Variants in ASTN1 observed in about 807,000 individuals in gnomAD.
ASTN1 encodes the protein astrotactin-1.
Under a neutral mutation model 140.7 loss-of-function variants are expected in ASTN1, and 41 were observed. That is an observed-to-expected ratio of 0.29 (90% CI 0.23 to 0.38). The LOEUF (loss-of-function observed/expected upper bound fraction) is 0.38, where lower values mean the gene tolerates loss of function less well. Among genes scored for constraint, ASTN1 ranks in the 10% least tolerant of loss-of-function variants. The pLI, the probability that ASTN1 is intolerant of heterozygous loss-of-function variation, is 1.00. For missense variants in ASTN1, 1,479 were observed against 1,678.8 expected (o/e 0.88, Z 2.08); for synonymous variants, 640 against 652.2 (o/e 0.98, Z 0.29).
At chr1:177,125,334 T>C (rs1411346256) in intron 1 of ASTN1, among the ~76,000 whole-genome samples, 1 of 152,208 alleles carries the variant, frequency 6.6e-6, no homozygotes, top group African/African-American at 2.4e-5. Flanking sequence ...AATTAATGTA[T>C]ATTATATTTG....
intron 16 of ASTN1, among the ~76,000 whole-genome samples, chr1:176,903,126 T>A (rs1669836941): frequency 6.6e-6 from 1 of 152,166 alleles, no homozygotes. Context: ...CAAAGCCTCA[T>A]GACAACTCAC....
At chr1:177,086,690 G>A (rs1171608282) in intron 1 of ASTN1, among the ~76,000 whole-genome samples, 1 of 152,124 alleles carries the variant, frequency 6.6e-6, no homozygotes, top group African/African-American at 2.4e-5. Context: ...TATGAGCTCA[G>A]TTTTTTAAAA....
At chr1:177,077,915 C>G (rs369688954) in intron 1 of ASTN1, among the ~76,000 whole-genome samples, 117 of 152,128 alleles carry the variant, frequency 7.7e-4, no homozygotes, top group Non-Finnish European at 1.1e-3. Flanking sequence ...TCATCAGATT[C>G]TCACTCGTAG....
chr1:177,144,717 T>G (rs376173748), intron 1 of ASTN1, among the ~76,000 whole-genome samples: 220 of 151,836 alleles, frequency 1.4e-3, no homozygotes, highest in African/African-American at 5.0e-3. Context: ...TACACAGTGT[T>G]CAATGAGATT....
chr1:176,881,219 T>G (rs768686694), intron 20 of ASTN1, among the ~76,000 whole-genome samples: 1 of 152,166 alleles, frequency 6.6e-6, no homozygotes, highest in Admixed American at 6.5e-5. Flanking sequence ...GCCCCCTGCA[T>G]TGGCTCCAAC....
intron 1 of ASTN1, among the ~76,000 whole-genome samples, chr1:177,100,377 C>A (rs560418848): frequency 1.3e-5 from 2 of 152,066 alleles, no homozygotes; most frequent in Non-Finnish European, 2.9e-5. Flanking sequence ...ACATTTAAGA[C>A]AAGTGACAGC....
intron 17 of ASTN1, among the ~76,000 whole-genome samples, chr1:176,891,277 ATTG>A (rs1351043603): frequency 6.6e-6 from 1 of 152,210 alleles, no homozygotes; most frequent in African/African-American, 2.4e-5. Context: ...AATTTTTGTT[ATTG>A]TTGTCTCTAA....
rs1255192469 is a variant in ASTN1 at position 176,861,432 on chromosome 1, G to A, written c.*2852C>T. 1 of 985,856 alleles carries A rather than the reference G, an allele frequency of 1.0e-6. No individual in the cohort carries two copies. The highest frequency in any genetic ancestry group is 1.2e-6 in the Non-Finnish European group (1 of 829,944). 61.1% of individuals were successfully genotyped at this position (985,856 alleles called of 1,614,324 possible). A position where few individuals can be genotyped will look rare whatever the true frequency, so the allele number is the denominator to read the frequency against. ...GATATAAGCACCTCCCTTAAGACCTGTTTGGCAGCTTGAAAACTCAAGGTT... is the reference window on the plus strand; with the variant it reads ...GATATAAGCACCTCCCTTAAGACCTATTTGGCAGCTTGAAAACTCAAGGTT... On this transcript the variant is annotated 3_prime_UTR_variant, in exon 23 of 23. Transcript: ENST00000361833.
At chr1:176,906,462 C>T (rs1164169516) in intron 16 of ASTN1, among the ~76,000 whole-genome samples, 1 of 152,092 alleles carries the variant, frequency 6.6e-6, no homozygotes, top group East Asian at 1.9e-4. Flanking sequence ...TTCCAGTTTG[C>T]AAGGCGTGGG....
At chr1:177,062,432 A>T (rs1294790700) in intron 1 of ASTN1, among the ~76,000 whole-genome samples, 1 of 151,502 alleles carries the variant, frequency 6.6e-6, no homozygotes, top group Non-Finnish European at 1.5e-5. Flanking sequence ...TTTTGTAGAG[A>T]CAGGATCTCC....
At chr1:176,954,122 C>T (rs538238850) in intron 11 of ASTN1, among the ~76,000 whole-genome samples, 1 of 152,322 alleles carries the variant, frequency 6.6e-6, no homozygotes, top group Non-Finnish European at 1.5e-5. Flanking sequence ...GCTGCTCCCT[C>T]CAATGATGTC....
chr1:176,942,866 A>ATATATTGATT (rs1385017638), intron 14 of ASTN1, among the ~76,000 whole-genome samples: 12 of 70,000 alleles, frequency 1.7e-4, no homozygotes, highest in African/African-American at 4.9e-4. Context: ...ATATATATAT[A>ATATATTGATT]GATTGATGTC....
intron 1 of ASTN1, among the ~76,000 whole-genome samples, chr1:177,152,315 A>T (rs1313425038): frequency 6.6e-6 from 1 of 152,058 alleles, no homozygotes; most frequent in African/African-American, 2.4e-5. Flanking sequence ...CAGTAAAATG[A>T]TTTCACCAGG....
intron 2 of ASTN1, among the ~76,000 whole-genome samples, chr1:177,040,587 G>A (rs758975760): frequency 1.3e-5 from 2 of 152,248 alleles, no homozygotes; most frequent in Admixed American, 6.5e-5. Flanking sequence ...CTAAGACCAA[G>A]AGTCTTCCAA....
chr1:177,027,987 G>A (rs1676213623), intron 5 of ASTN1, among the ~76,000 whole-genome samples: 1 of 151,920 alleles, frequency 6.6e-6, no homozygotes, highest in African/African-American at 2.4e-5. Flanking sequence ...TTGCTGCACT[G>A]ATGGATATAT....
chr1:176,918,257 C>T (rs1202247893), intron 16 of ASTN1, among the ~76,000 whole-genome samples: 1 of 152,144 alleles, frequency 6.6e-6, no homozygotes, highest in Non-Finnish European at 1.5e-5. Context: ...CTGTCTTCCT[C>T]CTTAGGTAAG....
chr1:177,029,518 G>C lies in ASTN1; in HGVS notation c.1120+116C>G, dbSNP rs1676309594. On this transcript the variant is annotated intron_variant, in intron 5 of 22. Transcript: ENST00000361833. Reference sequence around the variant, plus strand: ...CAGTTGTGGTCCAAAAATTCTTCTTGCAGAAACTGGTTTTGTTCCATAGAG... The same window carrying C: ...CAGTTGTGGTCCAAAAATTCTTCTTCCAGAAACTGGTTTTGTTCCATAGAG... 2.8e-6 allele frequency: 3 copies of C among 1,081,500 alleles called. No homozygotes were observed. In the East Asian group the frequency reaches 7.5e-5, roughly 27 times the overall value. The allele number at this position is 1,081,500 out of a possible 1,614,324, so 67.0% of individuals were successfully genotyped here.
intron 17 of ASTN1, among the ~76,000 whole-genome samples, chr1:176,890,623 G>C (rs1669220586): frequency 6.6e-6 from 1 of 152,196 alleles, no homozygotes; most frequent in African/African-American, 2.4e-5. Context: ...AACATGATCA[G>C]ATTTTCAATC....
intron 8 of ASTN1, among the ~76,000 whole-genome samples, chr1:176,980,791 G>A (rs894217582): frequency 1.3e-5 from 2 of 152,132 alleles, no homozygotes; most frequent in African/African-American, 4.8e-5. Context: ...CTAAAATAAA[G>A]AAGAATTTGA....
Sources: gnomAD v4.1 joint callset for allele counts (sites outside exome capture counted in the v4.1 genomes callset) on GRCh38, gnomAD v4.1.1 for gene constraint, MANE v1.5 for transcripts, NCBI Gene and HGNC (gene_info 2026-07-23, HGNC 2026-07-21) for gene names.